The following GPC5 variants were observed in gnomAD, a reference collection of about 807,000 sequenced individuals.
GPC5 encodes glypican 5, also known as glypican-5.
A neutral mutation model predicts 53.9 loss-of-function variants in GPC5; 47 were observed. The observed-to-expected ratio is 0.87, with a 90% confidence interval of 0.69 to 1.11. GPC5 has a LOEUF of 1.11. Ranked by LOEUF, GPC5 falls within the 50% of genes most tolerant of loss-of-function variation. GPC5 has a pLI of 0.00. For missense variants in GPC5, 748 were observed against 713.1 expected, an observed-to-expected ratio of 1.05 and a Z score of -0.56; for synonymous variants, 286 against 263.3, an observed-to-expected ratio of 1.09 and a Z score of -0.84.
chr13:91,750,851 G>A (rs1292522508), intron 4 of GPC5, among the ~76,000 whole-genome samples: 2 of 151,762 alleles, frequency 1.3e-5, no homozygotes, highest in Non-Finnish European at 2.9e-5. Context: ...TTGTAAAGAC[G>A]GGGTTTCTCC....
chr13:91,514,345 G>T (rs931942603), intron 2 of GPC5, among the ~76,000 whole-genome samples: 1 of 152,094 alleles, frequency 6.6e-6, no homozygotes. Flanking sequence ...AATTTGATAG[G>T]TCTACAGTGC....
chr13:91,578,940 GGAGGCT>G (rs1417208633), intron 2 of GPC5, among the ~76,000 whole-genome samples: 1 of 152,012 alleles, frequency 6.6e-6, no homozygotes, highest in East Asian at 1.9e-4. Flanking sequence ...CCAGTCACTT[GGAGGCT>G]GAGGTGGGAG....
intron 7 of GPC5, among the ~76,000 whole-genome samples, chr13:92,407,630 G>A (rs774252202): frequency 6.6e-5 from 10 of 152,008 alleles, no homozygotes; most frequent in Non-Finnish European, 1.5e-4. Flanking sequence ...GCTATATGTA[G>A]CTATACATAT....
At chr13:92,617,692 T>G (rs1310161846) in intron 7 of GPC5, among the ~76,000 whole-genome samples, 3 of 152,136 alleles carry the variant, frequency 2.0e-5, no homozygotes, top group Non-Finnish European at 2.9e-5. Context: ...AATGCAAAAA[T>G]TTTACTGTTA....
chr13:92,441,572 A>G (rs1012124499), intron 7 of GPC5, among the ~76,000 whole-genome samples: 1 of 152,176 alleles, frequency 6.6e-6, no homozygotes, highest in African/African-American at 2.4e-5. Flanking sequence ...TCAAGAGTGC[A>G]ATCCCAGTTA....
At position 91,429,771 on chromosome 13, in the gene GPC5, C is replaced by T. The variant is rs1038380398; in HGVS notation, c.164-18990C>T. On this transcript the variant is annotated intron_variant, in intron 1 of 7. Coordinates refer to ENST00000377067, the MANE Select transcript of GPC5 (RefSeq NM_004466.6). ...GGTAACTTTTAGAAATAAAGATACC[C>T]AAGACATCCTGATTCAACTTGTTTG... 4.6e-5 allele frequency among the ~76,000 whole-genome samples: 7 copies of T among 152,124 alleles called. No homozygotes were observed. The East Asian group carries it at 1.4e-3, about 29-fold the overall frequency.
At chr13:91,515,013 A>C (rs1416511168) in intron 2 of GPC5, among the ~76,000 whole-genome samples, 1 of 152,234 alleles carries the variant, frequency 6.6e-6, no homozygotes, top group Non-Finnish European at 1.5e-5. Flanking sequence ...AAATTAAATA[A>C]TACTAAAATT....
At chr13:92,424,067 C>T (rs1876711553) in intron 7 of GPC5, among the ~76,000 whole-genome samples, 3 of 152,030 alleles carry the variant, frequency 2.0e-5, no homozygotes, top group Admixed American at 2.0e-4. Context: ...TTAAAATGTA[C>T]CAAATGCCCT....
chr13:91,410,040 G>A (rs1221612392), intron 1 of GPC5, among the ~76,000 whole-genome samples: 3 of 152,146 alleles, frequency 2.0e-5, no homozygotes, highest in African/African-American at 7.2e-5. Context: ...TGTGAATAAC[G>A]ATGAATTTGT....
At chr13:91,559,001 G>A (rs780583166) in intron 2 of GPC5, among the ~76,000 whole-genome samples, 2 of 151,972 alleles carry the variant, frequency 1.3e-5, no homozygotes, top group Admixed American at 1.3e-4. Flanking sequence ...ACACTTACTG[G>A]TCAAATTACT....
intron 2 of GPC5, among the ~76,000 whole-genome samples, chr13:91,621,352 A>G (rs912156390): frequency 9.2e-5 from 14 of 152,080 alleles, no homozygotes; most frequent in Non-Finnish European, 1.9e-4. Flanking sequence ...TGCTCTGTCC[A>G]TGTGGTTCAA....
intron 2 of GPC5, among the ~76,000 whole-genome samples, chr13:91,551,841 G>A (rs763712153): frequency 1.3e-5 from 2 of 152,014 alleles, no homozygotes; most frequent in African/African-American, 2.4e-5. Flanking sequence ...GTGTTTCTTT[G>A]GGGTAACATA....
At chr13:91,633,583 G>A (rs964667136) in intron 2 of GPC5, among the ~76,000 whole-genome samples, 3 of 152,144 alleles carry the variant, frequency 2.0e-5, no homozygotes, top group African/African-American at 7.2e-5. Flanking sequence ...AGACAACTCA[G>A]GTTGGAGTTT....
chr13:92,098,958 CTT>C (rs10633643), intron 6 of GPC5, among the ~76,000 whole-genome samples: 2 of 143,122 alleles, frequency 1.4e-5, no homozygotes, highest in Non-Finnish European at 1.5e-5. Flanking sequence ...TTGTTCTTGC[CTT>C]TTTTTTTTTT....
intron 3 of GPC5, among the ~76,000 whole-genome samples, chr13:91,726,334 C>T (rs953332889): frequency 2.0e-5 from 3 of 152,286 alleles, no homozygotes; most frequent in African/African-American, 7.2e-5. Flanking sequence ...TAACAGTTTA[C>T]TTGCCTTGAA....
chr13:91,824,911 A>G (rs1373495509), intron 5 of GPC5, among the ~76,000 whole-genome samples: 1 of 152,064 alleles, frequency 6.6e-6, no homozygotes, highest in African/African-American at 2.4e-5. Context: ...TTTAATTCTG[A>G]CTGCAATTTT....
chr13:92,049,788 C>T (rs1201433821), intron 6 of GPC5, among the ~76,000 whole-genome samples: 1 of 151,924 alleles, frequency 6.6e-6, no homozygotes, highest in South Asian at 2.1e-4. Context: ...CCAAAACATG[C>T]ATAAAATGGC....
At chr13:91,671,174 A>C (rs1010194442) in intron 2 of GPC5, among the ~76,000 whole-genome samples, 9 of 152,280 alleles carry the variant, frequency 5.9e-5, no homozygotes, top group African/African-American at 1.9e-4. Context: ...ACATAAGCGT[A>C]AGGATTTTTT....
At chr13:91,675,068 A>G (rs1172331167) in intron 2 of GPC5, among the ~76,000 whole-genome samples, 1 of 151,782 alleles carries the variant, frequency 6.6e-6, no homozygotes, top group Non-Finnish European at 1.5e-5. Context: ...TGTTTCCTAA[A>G]CATCTGAATG....
Sources: allele counts gnomAD v4.1 joint callset (sites outside exome capture counted in the v4.1 genomes callset), GRCh38; gene constraint gnomAD v4.1.1; transcripts MANE v1.5; gene names NCBI Gene and HGNC (gene_info 2026-07-23, HGNC 2026-07-21).